The following MN1 variants were observed in gnomAD, a reference collection of about 807,000 sequenced individuals.
MN1 encodes MN1 proto-oncogene, transcriptional regulator, also known as transcriptional activator MN1.
In MN1, 19 loss-of-function variants were observed where a neutral mutation model predicts 86.9. The observed-to-expected ratio is 0.22, with a 90% CI of 0.15 to 0.32. The LOEUF is 0.32. Ranked by LOEUF, MN1 falls within the 10% of genes least tolerant of loss-of-function variation. The pLI is 1.00. For missense variants in MN1, 1,841 were observed against 1,862.0 expected (o/e 0.99, Z 0.21); for synonymous variants, 928 against 849.6 (o/e 1.09, Z -1.60).
chr22:27,798,303 C>A lies in MN1; in HGVS notation c.2241G>T (p.Pro747=). ...TGGACTGCCGGCCGGCTGCACCAAA[C>A]GGAAAGCCCGGCTGGCCCCCGAGCG... is the stretch of plus-strand genomic sequence containing the variant. ...TSALGGQPGF[P]FGAAGRQSTP... Residue 747 remains proline, a synonymous_variant, in exon 1 of 2, where the codon CCG becomes CCT. Transcript: ENST00000302326. 6.6e-7 allele frequency: 1 copy of A among 1,523,268 alleles called. No individual in the cohort carries two copies. The highest frequency in any genetic ancestry group is 1.2e-5 in the South Asian group (1 of 82,866). The allele number at this position is 1,523,268 out of a possible 1,614,324, so 94.4% of individuals were successfully genotyped here. A position where few individuals can be genotyped will look rare whatever the true frequency, so the allele number is the denominator to read the frequency against.
chr22:27,774,001 C>T (rs1164244838), intron 1 of MN1, among the ~76,000 whole-genome samples: 1 of 152,136 alleles, frequency 6.6e-6, no homozygotes, highest in Non-Finnish European at 1.5e-5. Context: ...CCACGGTGCC[C>T]TCTCAGTGGT....
chr22:27,798,175 T>A lies in MN1; in HGVS notation c.2369A>T (p.Asp790Val). Reference protein sequence around the residue: ...GGGGAYPPQPDFQPSQRTSAS... With the variant: ...GGGGAYPPQPVFQPSQRTSAS... ...CGAGGTGCGCTGGCTGGGCTGGAAA[T>A]CAGGCTGCGGCGGGTAGGCACCCCC... Residue 790 changes from aspartate to valine, a missense_variant, in exon 1 of 2, where the codon GAT (aspartate) becomes GTT (valine). Asp to Val is a radical substitution (Grantham distance 152, BLOSUM62 -3). Coordinates refer to ENST00000302326, the MANE Select transcript of MN1 (RefSeq NM_002430.3). 1 of 1,575,074 alleles carries A rather than the reference T, an allele frequency of 6.3e-7. No individual in the cohort carries two copies. The highest frequency in any genetic ancestry group is 8.6e-7 in the Non-Finnish European group (1 of 1,166,950).
At position 27,799,001 on chromosome 22, in the gene MN1, G is replaced by A. The variant is rs767593022; in HGVS notation, c.1543C>T (p.Pro515Ser). The A allele has an allele frequency of 2.5e-6, 4 of 1,610,238 alleles. No individual in the cohort carries two copies. In the Admixed American group the frequency reaches 6.7e-5, roughly 27 times the overall value. ...SFPSGPPLQH[P>S]APDHQSLQQQ... is the part of the protein sequence containing the mutation. ...TGCAGGGACTGGTGGTCCGGGGCCGGATGCTGCAGGGGCGGCCCCGAAGGG... is the reference window on the plus strand; with the variant it reads ...TGCAGGGACTGGTGGTCCGGGGCCGAATGCTGCAGGGGCGGCCCCGAAGGG... The change falls in exon 1 of 2, where the codon CCG (proline) becomes TCG (serine). Residue 515 changes from proline (P) to serine (S), a missense_variant. By Grantham distance (74) the Pro-to-Ser change is moderately conservative. Coordinates refer to ENST00000302326, the MANE Select transcript of MN1 (RefSeq NM_002430.3).
chr22:27,775,258 T>C (rs1218556701), intron 1 of MN1, among the ~76,000 whole-genome samples: 1 of 152,146 alleles, frequency 6.6e-6, no homozygotes, highest in Non-Finnish European at 1.5e-5. Context: ...GCCCTTTCGA[T>C]GGCTACAGAA....
intron 1 of MN1, among the ~76,000 whole-genome samples, chr22:27,783,809 G>A (rs1409765896): frequency 6.6e-6 from 1 of 152,236 alleles, no homozygotes; most frequent in Non-Finnish European, 1.5e-5. Flanking sequence ...CAATGTCACA[G>A]GGTCTATCAC....
chr22:27,755,590 T>G (rs751280512), intron 1 of MN1, among the ~76,000 whole-genome samples: 3 of 152,212 alleles, frequency 2.0e-5, no homozygotes, highest in Non-Finnish European at 2.9e-5. Flanking sequence ...TCCTCAGCTT[T>G]TCTTCATGGC....
chr22:27,797,572 G>A lies in MN1; in HGVS notation c.2972C>T (p.Ala991Val). The part of the protein sequence containing the change: ...ASGAAVGGSS[A>V]GETRGAPTPH... The stretch of plus-strand genomic sequence containing the variant: ...CGTCGGTGCCCCGCGCGTCTCGCCT[G>A]CGGAGCTTCCCCCGACGGCTGCGCC... The change falls in exon 1 of 2, where the codon GCA becomes GTA. Residue 991 changes from alanine to valine, a missense_variant. Coordinates refer to ENST00000302326, the MANE Select transcript of MN1 (RefSeq NM_002430.3). The A allele has an allele frequency of 5.0e-6, 8 of 1,604,704 alleles. No homozygotes were observed. The highest frequency in any genetic ancestry group is 1.3e-5 in the African/African-American group (1 of 74,858).
In MN1 at chr22:27,800,161, A is replaced by C. The variant is rs1368485143; in HGVS notation, c.383T>G (p.Leu128Arg). 2 of 1,549,104 alleles carry C rather than the reference A, an allele frequency of 1.3e-6. No individual in the cohort carries two copies. Among genetic ancestry groups the C allele is most frequent in the East Asian group, 2.3e-5 (1 of 43,958 alleles). ...FGGPDPGASC[L>R]HGGRLLGYGG... ...GTAGCCGAGCAGGCGACCCCCGTGC[A>C]GGCACGAGGCCCCGGGGTCCGGGCC... The change falls in exon 1 of 2, where the codon CTG becomes CGG. Residue 128 changes from leucine (L) to arginine (R), a missense_variant. Physicochemically the swap from Leu to Arg is moderately radical, Grantham distance 102. Transcript: ENST00000302326.
intron 1 of MN1, among the ~76,000 whole-genome samples, chr22:27,794,998 C>T (rs893954040): frequency 2.0e-4 from 26 of 131,842 alleles, no homozygotes; most frequent in Admixed American, 4.8e-4. Context: ...ATCGAGATGT[C>T]GTGTACAAGA....
intron 1 of MN1, among the ~76,000 whole-genome samples, chr22:27,764,814 G>C (rs1191557248): frequency 6.6e-6 from 1 of 152,228 alleles, no homozygotes; most frequent in African/African-American, 2.4e-5. Flanking sequence ...TAACCCTGGA[G>C]GAAGCATCTA....
At chr22:27,782,845 T>G (rs1476229081) in intron 1 of MN1, among the ~76,000 whole-genome samples, 3 of 152,190 alleles carry the variant, frequency 2.0e-5, no homozygotes, top group Non-Finnish European at 4.4e-5. Context: ...AACATACTAT[T>G]TGGTCCTCAC....
At chr22:27,754,946 G>A (rs748463353) in intron 1 of MN1, among the ~76,000 whole-genome samples, 3 of 152,134 alleles carry the variant, frequency 2.0e-5, no homozygotes, top group Non-Finnish European at 4.4e-5. Flanking sequence ...TGTGGAGAAG[G>A]GCAGGTTTGG....
At position 27,796,904 on chromosome 22, in the gene MN1, T is replaced by C. The variant is rs1470002941; in HGVS notation, c.3640A>G (p.Ile1214Val). ...TCTGCCATCAGCGAGTCCAGGTCAA[T>C]GGTGCTCATGGCGCTCTTGACCGCC... ...SEAVKSAMST[I>V]DLDSLMAEHS... The change falls in exon 1 of 2, where the codon ATT becomes GTT. Residue 1214 changes from isoleucine (I) to valine (V), a missense_variant. By Grantham distance (29) the Ile-to-Val change is conservative. Transcript: ENST00000302326. 1.2e-6 allele frequency: 2 copies of C among 1,613,066 alleles called. No individual in the cohort carries two copies. Among genetic ancestry groups the C allele is most frequent in the African/African-American group, 1.3e-5 (1 of 75,050 alleles).
At chr22:27,777,462 G>A (rs904981247) in intron 1 of MN1, among the ~76,000 whole-genome samples, 1 of 151,448 alleles carries the variant, frequency 6.6e-6, no homozygotes, top group African/African-American at 2.4e-5. Context: ...GAGCCCAGGA[G>A]TTGGAGGCTG....
At chr22:27,785,367 C>T (rs1933113837) in intron 1 of MN1, among the ~76,000 whole-genome samples, 1 of 152,198 alleles carries the variant, frequency 6.6e-6, no homozygotes, top group Non-Finnish European at 1.5e-5. Context: ...TGGGGCCGGC[C>T]GCTTCTCCAC....
chr22:27,786,065 C>T (rs1468689067), intron 1 of MN1, among the ~76,000 whole-genome samples: 2 of 152,194 alleles, frequency 1.3e-5, no homozygotes, highest in Non-Finnish European at 2.9e-5. Context: ...TGGGAACCGA[C>T]GAGATGAGCG....
chr22:27,758,455 T>A (rs1171023445), intron 1 of MN1, among the ~76,000 whole-genome samples: 1 of 152,218 alleles, frequency 6.6e-6, no homozygotes, highest in Non-Finnish European at 1.5e-5. Flanking sequence ...ACCATGATGG[T>A]AATGATACCG....
intron 1 of MN1, among the ~76,000 whole-genome samples, chr22:27,793,022 T>C (rs1933235851): frequency 6.6e-6 from 1 of 152,202 alleles, no homozygotes; most frequent in Admixed American, 6.5e-5. Context: ...AAAATTTCTC[T>C]GGCATCACTG....
intron 1 of MN1, among the ~76,000 whole-genome samples, chr22:27,780,580 G>A (rs1933040201): frequency 6.6e-6 from 1 of 152,190 alleles, no homozygotes; most frequent in South Asian, 2.1e-4. Flanking sequence ...CTACCCCAGA[G>A]AGCCAGGTGT....
Sources: gnomAD v4.1 joint callset for allele counts (sites outside exome capture counted in the v4.1 genomes callset) on GRCh38, gnomAD v4.1.1 for gene constraint, MANE v1.5 for transcripts, NCBI Gene and HGNC (gene_info 2026-07-23, HGNC 2026-07-21) for gene names.